The following KIF1C variants were observed in gnomAD, a reference collection of about 807,000 sequenced individuals.
The protein encoded by KIF1C is kinesin-like protein KIF1C.
In KIF1C, 61 loss-of-function variants were observed where a neutral mutation model predicts 126.5. That is an observed-to-expected ratio of 0.48 (90% CI 0.39 to 0.60). The LOEUF is 0.60. Among genes scored for constraint, KIF1C ranks in the 20% least tolerant of loss-of-function variants. KIF1C has a pLI of 0.00. For missense variants in KIF1C, 1,315 were observed against 1,489.2 expected (o/e 0.88, Z 1.93); for synonymous variants, 640 against 580.6 (o/e 1.10, Z -1.47).
intron 17 of KIF1C, 39 bp downstream of exon 17, chr17:5,013,771 T>C: frequency 6.5e-7 from 1 of 1,541,610 alleles, no homozygotes; most frequent in Non-Finnish European, 9.0e-7. Context: ...AGCCTCTGCT[T>C]TTGGGGTGTG....
At chr17:5,013,008 G>C (rs1465363874) in intron 16 of KIF1C, among the ~76,000 whole-genome samples, 1 of 152,146 alleles carries the variant, frequency 6.6e-6, no homozygotes, top group Non-Finnish European at 1.5e-5. Flanking sequence ...CCAGGCTTGA[G>C]GTGAAGCAGC....
In KIF1C at chr17:5,022,854, A is replaced by C; in HGVS notation, c.2628+145A>C. The C allele has an allele frequency of 8.4e-7, 1 of 1,196,896 alleles. No homozygotes were observed. Among genetic ancestry groups the C allele is most frequent in the East Asian group, 2.8e-5 (1 of 35,692 alleles). The allele number at this position is 1,196,896 out of a possible 1,614,324, so 74.1% of individuals were successfully genotyped here. On this transcript the variant is annotated intron_variant, in intron 22 of 22. Transcript: ENST00000320785. The surrounding 1 kb of genome is among the most constrained non-coding windows in gnomAD (Gnocchi z 4.9). ...TACGTTTTTTTCAATATTGTTTACG[A>C]ACCACATGCCTCGCTGTCACCAGGC...
chr17:5,024,364 G>C lies in KIF1C; in HGVS notation c.*213G>C, dbSNP rs1235235520. On this transcript the variant is annotated 3_prime_UTR_variant, in exon 23 of 23. Transcript: ENST00000320785. ...TGCCAGGAGCAAACCAAAGTGAAGA[G>C]AGAGATAGGAAGCTGCCTCGGGGCC... 4.4e-6 allele frequency: 2 copies of C among 452,850 alleles called. No homozygotes were observed. The highest frequency in any genetic ancestry group is 3.9e-6 in the Non-Finnish European group (1 of 256,570). 28.1% of individuals were successfully genotyped at this position (452,850 alleles called of 1,614,324 possible).
At chr17:5,012,817 C>T (rs1974895168) in intron 16 of KIF1C, among the ~76,000 whole-genome samples, 1 of 152,186 alleles carries the variant, frequency 6.6e-6, no homozygotes, top group East Asian at 1.9e-4. Context: ...GTACGCCATC[C>T]AGAGTACTGC....
At chr17:5,006,409 T>C (rs1173051595) in intron 13 of KIF1C, among the ~76,000 whole-genome samples, 1 of 151,594 alleles carries the variant, frequency 6.6e-6, no homozygotes, top group Non-Finnish European at 1.5e-5. Context: ...TGGTCTCGGC[T>C]CACTGCAACC....
chr17:5,000,120 G>T, intron 2 of KIF1C, 100 bp from the exon 3 acceptor site: 1 of 668,896 alleles, frequency 1.5e-6, no homozygotes, highest in East Asian at 2.7e-5. Flanking sequence ...GGGTGGCTCT[G>T]GGGGAGATGT....
At chr17:5,016,345 A>G (rs1027320514) in intron 18 of KIF1C, among the ~76,000 whole-genome samples, 4 of 150,716 alleles carry the variant, frequency 2.7e-5, no homozygotes, top group Non-Finnish European at 5.9e-5. Context: ...CCAACTCCCA[A>G]CCTCAGGTGA....
At chr17:5,021,674 G>T (rs1208156598) in intron 21 of KIF1C, among the ~76,000 whole-genome samples, 1 of 151,438 alleles carries the variant, frequency 6.6e-6, no homozygotes, top group East Asian at 1.9e-4. Flanking sequence ...AGAGGTGGGG[G>T]TCTCACTACA....
chr17:5,000,283 C>T lies in KIF1C; in HGVS notation c.37C>T (p.Arg13Trp), dbSNP rs756071061. ...GASVKVAVRV[R>W]PFNARETSQD... ...CTCGGTGAAAGTGGCAGTGAGGGTT[C>T]GGCCCTTTAACGCCCGTGAGACCAG... is the stretch of plus-strand genomic sequence containing the variant. The change falls in exon 3 of 23, where the codon CGG (arginine) becomes TGG (tryptophan). Residue 13 changes from arginine to tryptophan, a missense_variant. Coordinates refer to ENST00000320785, the MANE Select transcript of KIF1C (RefSeq NM_006612.6). 4.4e-6 allele frequency: 7 copies of T among 1,586,132 alleles called. No individual in the cohort carries two copies. The highest frequency in any genetic ancestry group is 6.0e-6 in the Non-Finnish European group (7 of 1,167,548).
At chr17:5,002,703 A>G in intron 7 of KIF1C, 28 bp from the exon 8 acceptor site, 1 of 1,613,174 alleles carries the variant, frequency 6.2e-7, no homozygotes, top group Non-Finnish European at 8.5e-7. Flanking sequence ...GAGAGGCAGG[A>G]TCCAGTGACT....
Position 5,024,495 on chromosome 17 carries a change from G to C in KIF1C, c.*344G>C. 1 of 254,402 alleles carries C rather than the reference G, an allele frequency of 3.9e-6. No homozygotes were observed. Among genetic ancestry groups the C allele is most frequent in the Admixed American group, 5.2e-5 (1 of 19,082 alleles). 15.8% of individuals were successfully genotyped at this position (254,402 alleles called of 1,614,324 possible). A position where few individuals can be genotyped will look rare whatever the true frequency, so the allele number is the denominator to read the frequency against. On this transcript the variant is annotated 3_prime_UTR_variant, in exon 23 of 23. Coordinates refer to ENST00000320785, the MANE Select transcript of KIF1C (RefSeq NM_006612.6). The stretch of plus-strand genomic sequence containing the variant: ...ACTTTCTTTTCAAGTGGGGGAAAGT[G>C]GGAGAGGACTGAGAGTGAGGCAAGT...
intron 16 of KIF1C, among the ~76,000 whole-genome samples, chr17:5,009,117 A>C (rs1418384939): frequency 6.6e-6 from 1 of 151,740 alleles, no homozygotes; most frequent in Non-Finnish European, 1.5e-5. Flanking sequence ...TTATAGAAAA[A>C]AAAAAAAAGT....
intron 16 of KIF1C, 26 bp downstream of exon 16, chr17:5,007,568 C>A: frequency 6.6e-7 from 1 of 1,515,546 alleles, no homozygotes. Flanking sequence ...AGCGAGGAGG[C>A]CTAGAGAGCT....
chr17:5,023,496 G>T lies in KIF1C; in HGVS notation c.2657G>T (p.Gly886Val). 1 of 1,614,020 alleles carries T rather than the reference G, an allele frequency of 6.2e-7. No homozygotes were observed. The highest frequency in any genetic ancestry group is 8.5e-7 in the Non-Finnish European group (1 of 1,179,992). Residue 886 changes from glycine to valine, a missense_variant, in exon 23 of 23, where the codon GGT becomes GTT. Gly to Val is a moderately radical substitution (Grantham distance 109). Around this residue, in one of 2 missense-constraint regions of KIF1C, gnomAD observed 441 missense variants for 436.1 expected, o/e 1.01. Transcript: ENST00000320785. This position sits in a 1 kb window ranked among gnomAD's most constrained non-coding sequence, Gnocchi z 4.2. Reference sequence around the variant, plus strand: ...CATGAGGATGAGAATGAAGAAGGTGGTGAGGTCCCCTGGGCCCCGCCTGAA... The same window carrying T: ...CATGAGGATGAGAATGAAGAAGGTGTTGAGGTCCCCTGGGCCCCGCCTGAA... ...QDHEDENEEGGEVPWAPPEGS... is the reference protein window; with the variant it reads ...QDHEDENEEGVEVPWAPPEGS...
At chr17:5,005,241 G>T (rs1053910665) in intron 13 of KIF1C, among the ~76,000 whole-genome samples, 1 of 152,376 alleles carries the variant, frequency 6.6e-6, no homozygotes, top group Non-Finnish European at 1.5e-5. Flanking sequence ...GCTCCTGGAA[G>T]TAATGAAATG....
intron 7 of KIF1C, 22 bp downstream of exon 7, chr17:5,002,664 G>A: frequency 6.2e-7 from 1 of 1,611,748 alleles, no homozygotes; most frequent in Non-Finnish European, 8.5e-7. Context: ...TGATGGAGCA[G>A]AGGGCAAGGG....
chr17:5,021,226 G>A (rs1054187158), intron 21 of KIF1C, among the ~76,000 whole-genome samples: 3 of 125,454 alleles, frequency 2.4e-5, no homozygotes, highest in South Asian at 2.8e-4. Flanking sequence ...AGGCTGGAAC[G>A]CAGTGGGATG....
intron 3 of KIF1C, among the ~76,000 whole-genome samples, 190 bp from the exon 4 acceptor site, chr17:5,000,582 G>C (rs1974561126): frequency 6.6e-6 from 1 of 152,136 alleles, no homozygotes; most frequent in Non-Finnish European, 1.5e-5. Flanking sequence ...GCAGCTCAGT[G>C]GGGGCGGGTC....
At chr17:5,017,789 A>G (rs1975006550) in intron 18 of KIF1C, among the ~76,000 whole-genome samples, 2 of 151,978 alleles carry the variant, frequency 1.3e-5, no homozygotes, top group Admixed American at 1.3e-4. Flanking sequence ...TGATTTGCAA[A>G]AGATGACACA....
Sources: allele counts gnomAD v4.1 joint callset (sites outside exome capture counted in the v4.1 genomes callset), GRCh38; gene constraint gnomAD v4.1.1; regional missense constraint gnomAD v4.1.1; non-coding constraint Gnocchi (gnomAD v3.1); transcripts MANE v1.5; gene names NCBI Gene and HGNC (gene_info 2026-07-23, HGNC 2026-07-21).